TGM2: variants seen among roughly 807,000 people sequenced by gnomAD.
The protein encoded by TGM2 is protein-glutamine gamma-glutamyltransferase 2.
TGM2 carries 53 observed loss-of-function variants against 75.6 expected under a neutral mutation model. That is an observed-to-expected ratio of 0.70 (90% confidence interval 0.56 to 0.88). TGM2 has a LOEUF of 0.88. TGM2 is among the 40% of genes least tolerant of loss of function. The pLI, the probability that TGM2 is intolerant of heterozygous loss-of-function variation, is 0.00. For synonymous variants in TGM2, 374 were observed against 381.1 expected (o/e 0.98, Z 0.22); for missense variants, 842 against 928.5 (o/e 0.91, Z 1.21).
At position 38,156,521 on chromosome 20, in the gene TGM2, T is replaced by C. The variant is rs575557507; in HGVS notation, c.191-432A>G. 2.0e-5 allele frequency among the ~76,000 whole-genome samples: 3 copies of C among 152,376 alleles called. No individual in the cohort carries two copies. In the South Asian group the frequency reaches 6.2e-4, roughly 32 times the overall value. On this transcript the variant is annotated intron_variant, in intron 2 of 12. Transcript: ENST00000361475. ...GCCCTCCTTTCCTGCCTACATCCTC[T>C]ACCTGCTAGCGTCCCGCTTTTTCTC...
chr20:38,141,515 T>C (rs2074974852), intron 7 of TGM2, 130 bp from the exon 8 acceptor site: 1 of 742,882 alleles, frequency 1.3e-6, no homozygotes. Context: ...CCAGGGTGTC[T>C]CCCCACTGCC....
intron 1 of TGM2, among the ~76,000 whole-genome samples, chr20:38,163,766 C>T (rs1365647641): frequency 1.3e-5 from 2 of 152,210 alleles, no homozygotes; most frequent in Non-Finnish European, 2.9e-5. Flanking sequence ...TCCTGCTGGC[C>T]TATTGCGGCG....
upstream of TGM2, among the ~76,000 whole-genome samples, chr20:38,167,135 A>C (rs1366125845): frequency 6.6e-6 from 1 of 152,136 alleles, no homozygotes; most frequent in African/African-American, 2.4e-5. Context: ...TGGCATGGAA[A>C]TATCAAGTAT....
intron 4 of TGM2, among the ~76,000 whole-genome samples, chr20:38,149,689 A>AAAAAAAAAAAAAAAAAC (rs2075093022): frequency 6.6e-6 from 1 of 150,454 alleles, no homozygotes; most frequent in African/African-American, 2.4e-5. Flanking sequence ...AAAAAAAAAA[A>AAAAAAAAAAAAAAAAAC]AAAAAAAAAA....
At chr20:38,153,452 G>A (rs2075139110) in intron 3 of TGM2, among the ~76,000 whole-genome samples, 1 of 151,302 alleles carries the variant, frequency 6.6e-6, no homozygotes, top group Non-Finnish European at 1.5e-5. Flanking sequence ...TTCAACCCGG[G>A]AGGCAGAGGT....
intron 8 of TGM2, among the ~76,000 whole-genome samples, chr20:38,139,924 G>A (rs1184418280): frequency 6.6e-6 from 1 of 152,220 alleles, no homozygotes; most frequent in African/African-American, 2.4e-5. Context: ...GCAGTTTCAT[G>A]TGGAGATAAG....
chr20:38,157,373 T>C (rs143805045), intron 2 of TGM2, among the ~76,000 whole-genome samples: 1 of 152,148 alleles, frequency 6.6e-6, no homozygotes, highest in Non-Finnish European at 1.5e-5. Flanking sequence ...GAGCTGGCAT[T>C]TGGGGAGGAG....
intron 1 of TGM2, among the ~76,000 whole-genome samples, chr20:38,164,962 AC>A (rs1288046571): frequency 1.3e-5 from 2 of 152,182 alleles, no homozygotes; most frequent in African/African-American, 2.4e-5. Flanking sequence ...AGTTTACAAC[AC>A]CCCGTCGCGT....
intron 4 of TGM2, among the ~76,000 whole-genome samples, chr20:38,150,303 C>T (rs1295311241): frequency 3.3e-5 from 5 of 152,164 alleles, no homozygotes; most frequent in African/African-American, 1.2e-4. Context: ...TCCAGCCAAG[C>T]CCAGCCTAGA....
chr20:38,160,828 G>A (rs964226186), intron 2 of TGM2, among the ~76,000 whole-genome samples: 1 of 152,186 alleles, frequency 6.6e-6, no homozygotes, highest in African/African-American at 2.4e-5. Flanking sequence ...AGGGCAGACA[G>A]GATCTTTTTC....
chr20:38,155,883 C>T lies in TGM2; in HGVS notation c.397G>A (p.Gly133Ser). ...TGYQGSSFVL[G>S]HFILLFNAWC... ...GCGTTGAAGAGCAAAATGAAGTGGC[C>T]CAGCACAAAGCTGGATCCCTGGTAG... Residue 133 changes from glycine (G) to serine (S), a missense_variant, in exon 3 of 13, where the codon GGC becomes AGC. Transcript: ENST00000361475. 1 of 1,603,300 alleles carries T rather than the reference C, an allele frequency of 6.2e-7. No homozygotes were observed. Among genetic ancestry groups the T allele is most frequent in the South Asian group, 1.1e-5 (1 of 88,748 alleles).
intron 6 of TGM2, among the ~76,000 whole-genome samples, chr20:38,144,942 G>A (rs1021911778): frequency 6.6e-6 from 1 of 152,232 alleles, no homozygotes; most frequent in Non-Finnish European, 1.5e-5. Flanking sequence ...CCACAGCCCA[G>A]GGTGACCAGG....
chr20:38,139,284 G>T, intron 9 of TGM2, 128 bp downstream of exon 9: 1 of 1,341,284 alleles, frequency 7.5e-7, no homozygotes, highest in Non-Finnish European at 1.1e-6. Context: ...ATGGAGTATA[G>T]CCTACGGGGC....
upstream of TGM2, chr20:38,165,274 G>A (rs1427038182): frequency 1.9e-6 from 3 of 1,604,050 alleles, no homozygotes; most frequent in African/African-American, 1.3e-5. Flanking sequence ...TGGCACTGCC[G>A]AGGCGGAGAG....
intron 8 of TGM2, among the ~76,000 whole-genome samples, chr20:38,139,971 T>C (rs1030766047): frequency 9.9e-5 from 15 of 152,220 alleles, no homozygotes; most frequent in African/African-American, 3.4e-4. Flanking sequence ...GAATTATAGA[T>C]GTAAAGCTCA....
chr20:38,149,259 AC>A (rs1460343431), intron 4 of TGM2, among the ~76,000 whole-genome samples: 7 of 152,060 alleles, frequency 4.6e-5, no homozygotes, highest in Non-Finnish European at 1.0e-4. Context: ...TTCAAGAAGT[AC>A]CCCCTGATCC....
chr20:38,166,824 G>A (rs998256813), upstream of TGM2, among the ~76,000 whole-genome samples: 1 of 152,122 alleles, frequency 6.6e-6, no homozygotes, highest in Non-Finnish European at 1.5e-5. Flanking sequence ...ACCCGTAATT[G>A]CCCCATTTTA....
chr20:38,129,969 A>G lies in TGM2; in HGVS notation c.*250T>C, dbSNP rs2074805674. 1 of 564,492 alleles carries G rather than the reference A, an allele frequency of 1.8e-6. No homozygotes were observed. Among genetic ancestry groups the G allele is most frequent in the Non-Finnish European group, 3.2e-6 (1 of 317,032 alleles). The allele number at this position is 564,492 out of a possible 1,614,324, so 35.0% of individuals were successfully genotyped here. ...GTCTTTCCTCTCTCACCCCAGCCCCAGTCAGCCAAGGTCAGGGCTCCCACT... is the reference window on the plus strand; with the variant it reads ...GTCTTTCCTCTCTCACCCCAGCCCCGGTCAGCCAAGGTCAGGGCTCCCACT... On this transcript the variant is annotated 3_prime_UTR_variant, in exon 13 of 13. Coordinates refer to ENST00000361475, the MANE Select transcript of TGM2 (RefSeq NM_004613.4).
chr20:38,149,678 CAAAAAAA>C (rs1199376180), intron 4 of TGM2, among the ~76,000 whole-genome samples: 1 of 40,462 alleles, frequency 2.5e-5, no homozygotes, highest in African/African-American at 9.3e-5. Flanking sequence ...GACTCCGCCT[CAAAAAAA>C]AAAAAAAAAA....
Sources: allele counts gnomAD v4.1 joint callset (sites outside exome capture counted in the v4.1 genomes callset), GRCh38; gene constraint gnomAD v4.1.1; transcripts MANE v1.5; gene names NCBI Gene and HGNC (gene_info 2026-07-23, HGNC 2026-07-21).